Variants in FOXO1 observed in about 807,000 individuals in gnomAD.
FOXO1 encodes forkhead box protein O1.
In FOXO1, 6 loss-of-function variants were observed where a neutral mutation model predicts 44.1. The observed-to-expected ratio is 0.14, with a 90% CI of 0.07 to 0.27. FOXO1 has a LOEUF of 0.27. Among genes scored for constraint, FOXO1 ranks in the 10% least tolerant of loss-of-function variants. The pLI is 1.00. For synonymous variants in FOXO1, 380 were observed against 362.7 expected, an observed-to-expected ratio of 1.05 and a Z score of -0.54; for missense variants, 737 against 888.8, an observed-to-expected ratio of 0.83 and a Z score of 2.17.
intron 1 of FOXO1, among the ~76,000 whole-genome samples, chr13:40,628,557 C>T (rs1876863160): frequency 6.6e-6 from 1 of 152,100 alleles, no homozygotes; most frequent in Non-Finnish European, 1.5e-5. Flanking sequence ...TTTGTTCACG[C>T]TACTACCACT....
At chr13:40,650,712 A>C (rs1038221103) in intron 1 of FOXO1, among the ~76,000 whole-genome samples, 7 of 152,138 alleles carry the variant, frequency 4.6e-5, no homozygotes, top group African/African-American at 1.7e-4. Flanking sequence ...TTATTTTAAT[A>C]ATCTGGATTC....
At chr13:40,581,231 AG>A (rs939809806) in intron 1 of FOXO1, among the ~76,000 whole-genome samples, 1 of 152,188 alleles carries the variant, frequency 6.6e-6, no homozygotes, top group African/African-American at 2.4e-5. Flanking sequence ...AAGGCAAAAA[AG>A]GGGAGCGAGC....
intron 1 of FOXO1, among the ~76,000 whole-genome samples, chr13:40,603,327 T>C (rs890164019): frequency 1.7e-5 from 2 of 120,340 alleles, no homozygotes. Flanking sequence ...CCAAACCAGA[T>C]GGAGACCCTA....
intron 1 of FOXO1, among the ~76,000 whole-genome samples, chr13:40,596,127 T>A (rs150492694): frequency 6.2e-4 from 94 of 152,254 alleles, no homozygotes; most frequent in Admixed American, 7.8e-4. Flanking sequence ...TTATGGAACA[T>A]GAGACTTCAG....
rs1164031879 is a variant in FOXO1, at chr13:40,559,636, G to A, written c.1855C>T (p.Arg619Trp). ...RLDCDMESII[R>W]NDLMDGDTLD... ...GTATCTCCATCCATGAGGTCATTCC[G>A]AATGATGGATTCCATGTCACAGTCT... The change falls in exon 2 of 3, where the codon CGG (arginine) becomes TGG (tryptophan). Residue 619 changes from arginine (R) to tryptophan (W), a missense_variant. By Grantham distance (101) the Arg-to-Trp change is moderately radical (BLOSUM62 -3). Around this residue, in one of 7 missense-constraint regions of FOXO1, gnomAD observed 45 missense variants for 78.3 expected, o/e 0.57. Transcript: ENST00000379561. 1.6e-5 allele frequency: 26 copies of A among 1,614,068 alleles called. No homozygotes were observed. The highest frequency in any genetic ancestry group is 1.9e-5 in the Non-Finnish European group (22 of 1,180,040).
intron 1 of FOXO1, chr13:40,620,038 C>T: frequency 1.2e-6 from 1 of 867,766 alleles, no homozygotes; most frequent in Non-Finnish European, 1.9e-6. Context: ...TAGACCAGTA[C>T]AGCAAACCAC....
At chr13:40,623,266 C>CT (rs1251626963) in intron 1 of FOXO1, among the ~76,000 whole-genome samples, 15 of 151,238 alleles carry the variant, frequency 9.9e-5, no homozygotes, top group Admixed American at 2.0e-4. Flanking sequence ...TGAACACAGG[C>CT]TTTTTTTTTC....
At chr13:40,589,816 G>A (rs1875301622) in intron 1 of FOXO1, among the ~76,000 whole-genome samples, 1 of 152,188 alleles carries the variant, frequency 6.6e-6, no homozygotes, top group South Asian at 2.1e-4. Flanking sequence ...CAGCTGTCCT[G>A]GACTGTCCTG....
At chr13:40,653,540 TTCA>T (rs2137936290) in intron 1 of FOXO1, among the ~76,000 whole-genome samples, 1 of 152,342 alleles carries the variant, frequency 6.6e-6, no homozygotes, top group African/African-American at 2.4e-5. Context: ...CAGCTAACTC[TTCA>T]GAATACCAAA....
At chr13:40,645,736 T>A (rs913687748) in intron 1 of FOXO1, among the ~76,000 whole-genome samples, 2 of 152,098 alleles carry the variant, frequency 1.3e-5, no homozygotes, top group Non-Finnish European at 2.9e-5. Context: ...GAGTAGGAAG[T>A]GATCAAAAAG....
intron 1 of FOXO1, among the ~76,000 whole-genome samples, chr13:40,643,509 T>C (rs1468356048): frequency 6.6e-6 from 1 of 152,128 alleles, no homozygotes; most frequent in Non-Finnish European, 1.5e-5. Context: ...TGATATACAA[T>C]TTTATATTCC....
chr13:40,567,667 G>A, intron 1 of FOXO1, among the ~76,000 whole-genome samples: 1 of 152,102 alleles, frequency 6.6e-6, no homozygotes, highest in East Asian at 1.9e-4. Flanking sequence ...TGCCTTAACA[G>A]GTGATAAATT....
chr13:40,650,282 C>T (rs935562679), intron 1 of FOXO1, among the ~76,000 whole-genome samples: 5 of 152,140 alleles, frequency 3.3e-5, no homozygotes, highest in African/African-American at 9.7e-5. Context: ...TTTTAGCTGG[C>T]TTCTTTACTG....
Position 40,666,123 on chromosome 13 carries a change from C to G in FOXO1, c.90G>C (p.Pro30=). ...PRSCTWPLPR[P]EFSQSNSATS... The stretch of plus-strand genomic sequence containing the variant: ...TGGCCGAGTTGGACTGGCTAAACTC[C>G]GGCCTGGGCAGCGGCCAGGTGCACG... The change falls in exon 1 of 3, where the codon CCG becomes CCC. Residue 30 remains proline, a synonymous_variant. Coordinates refer to ENST00000379561, the MANE Select transcript of FOXO1 (RefSeq NM_002015.4). The G allele has an allele frequency of 6.9e-7, 1 of 1,445,272 alleles. No homozygotes were observed. The highest frequency in any genetic ancestry group is 9.1e-7 in the Non-Finnish European group (1 of 1,101,926). The allele number at this position is 1,445,272 out of a possible 1,614,324, so 89.5% of individuals were successfully genotyped here. A position where few individuals can be genotyped will look rare whatever the true frequency, so the allele number is the denominator to read the frequency against.
chr13:40,566,687 AT>A (rs1328439519), intron 1 of FOXO1, among the ~76,000 whole-genome samples: 1 of 152,048 alleles, frequency 6.6e-6, no homozygotes, highest in Non-Finnish European at 1.5e-5. Context: ...CCTACTTTAA[AT>A]TTTTTATCTC....
chr13:40,604,224 T>G (rs1566073127), intron 1 of FOXO1, among the ~76,000 whole-genome samples: 1 of 151,890 alleles, frequency 6.6e-6, no homozygotes. Context: ...CTAGAAGCAC[T>G]ATTAACACTT....
At chr13:40,597,262 T>C (rs1051582251) in intron 1 of FOXO1, among the ~76,000 whole-genome samples, 1 of 152,206 alleles carries the variant, frequency 6.6e-6, no homozygotes, top group Non-Finnish European at 1.5e-5. Context: ...ATAATTATTA[T>C]TACCACAGAT....
intron 1 of FOXO1, among the ~76,000 whole-genome samples, chr13:40,605,382 T>G (rs1050363752): frequency 6.6e-6 from 1 of 152,200 alleles, no homozygotes; most frequent in African/African-American, 2.4e-5. Flanking sequence ...GCGCTCACAG[T>G]TGGTGCTTAA....
chr13:40,562,674 A>T (rs1346390780), intron 1 of FOXO1: 1 of 152,260 alleles, frequency 6.6e-6, no homozygotes, highest in African/African-American at 2.4e-5. Context: ...GCTTAGAAGT[A>T]GTACAGATAC....
Sources: allele counts gnomAD v4.1 joint callset (sites outside exome capture counted in the v4.1 genomes callset), GRCh38; gene constraint gnomAD v4.1.1; regional missense constraint gnomAD v4.1.1; transcripts MANE v1.5; gene names NCBI Gene and HGNC (gene_info 2026-07-23, HGNC 2026-07-21).